Variants in NSF observed in about 807,000 individuals in gnomAD.
NSF encodes the protein N-ethylmaleimide sensitive factor, vesicle fusing ATPase.
A neutral mutation model predicts 50.3 loss-of-function variants in NSF; 14 were observed. The observed-to-expected ratio is 0.28, with a 90% confidence interval of 0.18 to 0.44. NSF has a LOEUF of 0.44. NSF is among the 20% of genes least tolerant of loss of function. The pLI, the probability that NSF is intolerant of heterozygous loss-of-function variation, is 1.00. For synonymous variants in NSF, 109 were observed against 175.7 expected (o/e 0.62, Z 3.00); for missense variants, 218 against 504.3 (o/e 0.43, Z 5.44).
intron 1 of NSF, among the ~76,000 whole-genome samples, chr17:46,621,479 G>A: frequency 9.9e-6 from 1 of 101,226 alleles, no homozygotes; most frequent in African/African-American, 4.2e-5. Flanking sequence ...TAGTAGAGAC[G>A]GGGCTTCACC....
chr17:46,712,886 A>G (rs971050180), intron 14 of NSF, among the ~76,000 whole-genome samples: 4 of 152,196 alleles, frequency 2.6e-5, no homozygotes, highest in Admixed American at 2.0e-4. Context: ...GAAAGAGGGG[A>G]ATTATGAATT....
In NSF at chr17:46,756,328, T is replaced by G. The variant is rs2146351330; in HGVS notation, c.*505T>G. The G allele has an allele frequency of 6.6e-6, 1 of 152,652 alleles. No individual in the cohort carries two copies. The highest frequency in any genetic ancestry group is 2.1e-4 in the South Asian group (1 of 4,832). 9.5% of individuals were successfully genotyped at this position (152,652 alleles called of 1,614,324 possible). A position where few individuals can be genotyped will look rare whatever the true frequency, so the allele number is the denominator to read the frequency against. On this transcript the variant is annotated 3_prime_UTR_variant, in exon 21 of 21. Transcript: ENST00000398238. ...GTCACTGGGTATTTGGTTAAAGGTC[T>G]CCCACAAGACTGGTATTCTCTTTGC...
chr17:46,711,240 T>A, intron 14 of NSF, 121 bp downstream of exon 14: 1 of 926,628 alleles, frequency 1.1e-6, no homozygotes, highest in Non-Finnish European at 1.5e-6. Flanking sequence ...GTTCTTGATC[T>A]GAAAATAGTA....
chr17:46,684,461 A>T (rs1157957014), intron 9 of NSF, among the ~76,000 whole-genome samples: 1 of 152,108 alleles, frequency 6.6e-6, no homozygotes, highest in Non-Finnish European at 1.5e-5. Flanking sequence ...AATGATTGTA[A>T]TGGGATTGCT....
chr17:46,728,773 C>CA (rs376923479), intron 16 of NSF, 82 bp from the exon 17 acceptor site: 101,117 of 668,512 alleles, frequency 0.15, 5 homozygotes, highest in East Asian at 0.16. Flanking sequence ...ACTTTTGATG[C>CA]AAAAAAAAAA....
chr17:46,728,160 TG>T (rs1373443199), intron 16 of NSF, among the ~76,000 whole-genome samples: 1 of 152,184 alleles, frequency 6.6e-6, no homozygotes, highest in African/African-American at 2.4e-5. Flanking sequence ...GCATTTACGC[TG>T]AATCTTGAAT....
rs1462748283 is a variant in NSF at position 46,727,478 on chromosome 17, A to T, written c.1828+863A>T. ...TAATCCCTTCTTCTTTAAGCTGTCC[A>T]TAATGGTGTAGTCGTGATTTCAAGC... On this transcript the variant is annotated intron_variant, in intron 16 of 20. Transcript: ENST00000398238. 2.0e-5 allele frequency among the ~76,000 whole-genome samples: 3 copies of T among 152,246 alleles called. No homozygotes were observed. The East Asian group carries it at 5.8e-4, about 29-fold the overall frequency.
chr17:46,723,969 C>T (rs1269604035), intron 15 of NSF, among the ~76,000 whole-genome samples: 2 of 152,176 alleles, frequency 1.3e-5, no homozygotes, highest in Non-Finnish European at 2.9e-5. Context: ...TTGTAAGACT[C>T]TTTACGTCCA....
At chr17:46,598,696 C>G (rs1324624761) in intron 1 of NSF, among the ~76,000 whole-genome samples, 1 of 152,144 alleles carries the variant, frequency 6.6e-6, no homozygotes, top group Non-Finnish European at 1.5e-5. Context: ...ATATCAGAAG[C>G]TTTTGTAGCC....
At chr17:46,753,975 T>C (rs1344725539) in intron 19 of NSF, among the ~76,000 whole-genome samples, 2 of 152,242 alleles carry the variant, frequency 1.3e-5, no homozygotes, top group South Asian at 4.1e-4. Flanking sequence ...CTGCTCTGAC[T>C]GGATGTCACC....
chr17:46,708,133 G>A (rs1555673938), intron 13 of NSF, among the ~76,000 whole-genome samples: 3 of 151,800 alleles, frequency 2.0e-5, no homozygotes, highest in Non-Finnish European at 4.4e-5. Flanking sequence ...TGGCTATTTT[G>A]AGTAATGCTG....
intron 15 of NSF, among the ~76,000 whole-genome samples, chr17:46,720,991 A>C (rs553430372): frequency 6.6e-6 from 1 of 152,306 alleles, no homozygotes; most frequent in Non-Finnish European, 1.5e-5. Flanking sequence ...CCTGTCCCAC[A>C]CACAGGTGGC....
chr17:46,709,526 G>T (rs893286249), intron 13 of NSF, among the ~76,000 whole-genome samples: 2 of 150,342 alleles, frequency 1.3e-5, no homozygotes, highest in African/African-American at 2.5e-5. Flanking sequence ...ATGGAGTCTT[G>T]CTGTGTCTCC....
At chr17:46,721,130 C>G (rs2058826661) in intron 15 of NSF, among the ~76,000 whole-genome samples, 1 of 152,204 alleles carries the variant, frequency 6.6e-6, no homozygotes, top group Admixed American at 6.5e-5. Flanking sequence ...TCCCTCAGTG[C>G]TCACGGAGTG....
chr17:46,749,537 GT>G (rs2059162180), intron 17 of NSF, among the ~76,000 whole-genome samples: 1 of 152,108 alleles, frequency 6.6e-6, no homozygotes, highest in African/African-American at 2.4e-5. Flanking sequence ...CTAATCCATT[GT>G]TTTATTGATG....
In NSF at chr17:46,726,591, G is replaced by A. The variant is rs777274661; in HGVS notation, c.1804G>A (p.Val602Met). Residue 602 changes from valine (V) to methionine (M), a missense_variant, in exon 16 of 21, where the codon GTG becomes ATG. Transcript: ENST00000398238. ...AYKSQLSCVVVDDIERLLDYV... is the reference protein window; with the variant it reads ...AYKSQLSCVVMDDIERLLDYV... ...CAAATCCCAGCTCAGTTGTGTGGTT[G>A]TGGATGACATTGAGAGATTGCTTGG... is the stretch of plus-strand genomic sequence containing the variant. The A allele has an allele frequency of 1.2e-6, 2 of 1,613,894 alleles. No individual in the cohort carries two copies. The highest frequency in any genetic ancestry group is 4.5e-5 in the East Asian group (2 of 44,894).
intron 15 of NSF, 60 bp from the exon 16 acceptor site, chr17:46,726,489 T>C: frequency 6.7e-7 from 1 of 1,503,442 alleles, no homozygotes; most frequent in East Asian, 2.3e-5. Context: ...ACTAAACTTC[T>C]TGGAAATTGT....
intron 8 of NSF, among the ~76,000 whole-genome samples, chr17:46,662,749 ATCCTAT>A (rs2058316453): frequency 7.4e-6 from 1 of 135,212 alleles, no homozygotes; most frequent in African/African-American, 2.7e-5. Context: ...GCCCTTTACC[ATCCTAT>A]TCACGTTTCT....
At chr17:46,755,703 C>G (rs1427916095) in intron 20 of NSF, 99 bp from the exon 21 acceptor site, 1 of 1,306,022 alleles carries the variant, frequency 7.7e-7, no homozygotes, top group East Asian at 2.4e-5. Context: ...GTAGGATAAC[C>G]ATTAAGAAGC....
Sources: gnomAD v4.1 joint callset for allele counts (sites outside exome capture counted in the v4.1 genomes callset) on GRCh38, gnomAD v4.1.1 for gene constraint, MANE v1.5 for transcripts, NCBI Gene and HGNC (gene_info 2026-07-23, HGNC 2026-07-21) for gene names.